CYC1: variants seen among roughly 807,000 people sequenced by gnomAD.
The protein encoded by CYC1 is cytochrome c1, also known as cytochrome c1, heme protein, mitochondrial.
Under a neutral mutation model 33.8 loss-of-function variants are expected in CYC1, and 10 were observed. That is an observed-to-expected ratio of 0.30 (90% CI 0.18 to 0.50). CYC1 has a LOEUF of 0.50. Ranked by LOEUF, CYC1 falls within the 20% of genes least tolerant of loss-of-function variation. CYC1 has a pLI of 0.98. For missense variants in CYC1, 459 were observed against 437.6 expected (o/e 1.05, Z -0.44); for synonymous variants, 224 against 181.9 (o/e 1.23, Z -1.86).
At chr8:144,096,090 T>A (rs1836146192) in intron 2 of CYC1, 34 bp from the exon 3 acceptor site, 10 of 1,606,886 alleles carry the variant, frequency 6.2e-6, no homozygotes, top group Non-Finnish European at 8.5e-6. Context: ...TAAGGTGGAA[T>A]CTTCAGCTTT....
At chr8:144,096,287 G>T (rs1469395585) in intron 3 of CYC1, 37 bp downstream of exon 3, 6 of 1,613,766 alleles carry the variant, frequency 3.7e-6, no homozygotes, top group Middle Eastern at 1.6e-4. Context: ...CCAGGGCTCA[G>T]GGCTCCCACT....
chr8:144,095,256 C>T, intron 1 of CYC1, 28 bp downstream of exon 1: 3 of 1,193,932 alleles, frequency 2.5e-6, no homozygotes. Context: ...CCCCGGCCTC[C>T]GCGCGGCCCC....
intron 5 of CYC1, 53 bp downstream of exon 5, chr8:144,096,797 C>T (rs1260037629): frequency 2.2e-6 from 3 of 1,379,144 alleles, no homozygotes; most frequent in Non-Finnish European, 2.0e-6. Flanking sequence ...TCCACTACCC[C>T]CAGGGATGCT....
rs1334519463 is a variant in CYC1, at chr8:144,095,863, T to C, written c.160T>C (p.Ser54Pro). The C allele has an allele frequency of 3.7e-6, 6 of 1,608,634 alleles. No homozygotes were observed. Among genetic ancestry groups the C allele is most frequent in the Middle Eastern group, 1.7e-4 (1 of 6,012 alleles). Residue 54 changes from serine (S) to proline (P), a missense_variant, in exon 2 of 7, where the codon TCC becomes CCC. Ser to Pro is a moderately conservative substitution (Grantham distance 74, BLOSUM62 -1). Coordinates refer to ENST00000318911, the MANE Select transcript of CYC1 (RefSeq NM_001916.5). Reference protein sequence around the residue: ...AVALSSKSGLSRGRKVMLSAL... With the variant: ...AVALSSKSGLPRGRKVMLSAL... ...GGCCTTGTCGTCGAAGTCTGGCCTT[T>C]CCCGAGGCCGGAAAGTGATGCTGTC...
Position 144,095,150 on chromosome 8 carries a change from C to T in CYC1, c.51C>T (p.Gly17=), listed in dbSNP as rs2129966177. 2.5e-6 allele frequency: 3 copies of T among 1,210,168 alleles called. No individual in the cohort carries two copies. The Middle Eastern group carries it at 9.4e-4, about 378-fold the overall frequency. 75.0% of individuals were successfully genotyped at this position (1,210,168 alleles called of 1,614,324 possible). A position where few individuals can be genotyped will look rare whatever the true frequency, so the allele number is the denominator to read the frequency against. The stretch of plus-strand genomic sequence containing the variant: ...GCGGGGTAGTGTTGGGCCCGCGGGG[C>T]GCGGGGCTCCCGGGCGCGCGTGCCC... The part of the protein sequence containing the change: ...SLRGVVLGPR[G]AGLPGARARG... The change falls in exon 1 of 7, where the codon GGC becomes GGT. Residue 17 remains glycine, a synonymous_variant. Transcript: ENST00000318911.
At position 144,095,901 on chromosome 8, in the gene CYC1, G is replaced by A; in HGVS notation, c.198G>A (p.Met66Ile). The change falls in exon 2 of 7, where the codon ATG becomes ATA. Residue 66 changes from methionine (M) to isoleucine (I), a missense_variant. Coordinates refer to ENST00000318911, the MANE Select transcript of CYC1 (RefSeq NM_001916.5). Reference protein sequence around the residue: ...GRKVMLSALGMLAAGGAGLAM... With the variant: ...GRKVMLSALGILAAGGAGLAM... ...AAGTGATGCTGTCAGCGCTGGGCAT[G>A]CTGGCGGCAGGGGGTGCGGGGCTGG... is the stretch of plus-strand genomic sequence containing the variant. The A allele has an allele frequency of 1.9e-6, 3 of 1,609,542 alleles. No individual in the cohort carries two copies. The highest frequency in any genetic ancestry group is 2.5e-6 in the Non-Finnish European group (3 of 1,179,888).
chr8:144,095,113 C>A lies in CYC1; in HGVS notation c.14C>A (p.Ala5Glu). The change falls in exon 1 of 7, where the codon GCG becomes GAG. Residue 5 changes from alanine to glutamate, a missense_variant. Physicochemically the swap from Ala to Glu is moderately radical, Grantham distance 107. Transcript: ENST00000318911. Reference sequence around the variant, plus strand: ...GAGGAGGCCAAGATGGCGGCAGCTGCGGCTTCGCTTCGCGGGGTAGTGTTG... The same window carrying A: ...GAGGAGGCCAAGATGGCGGCAGCTGAGGCTTCGCTTCGCGGGGTAGTGTTG... MAAA[A>E]ASLRGVVLGP... 8.3e-7 allele frequency: 1 copy of A among 1,210,260 alleles called. No homozygotes were observed. The allele number at this position is 1,210,260 out of a possible 1,614,324, so 75.0% of individuals were successfully genotyped here. A position where few individuals can be genotyped will look rare whatever the true frequency, so the allele number is the denominator to read the frequency against.
Position 144,097,272 on chromosome 8 carries a change from C to T in CYC1, c.914C>T (p.Thr305Ile). The change falls in exon 7 of 7, where the codon ACC becomes ATC. Residue 305 changes from threonine to isoleucine, a missense_variant. Coordinates refer to ENST00000318911, the MANE Select transcript of CYC1 (RefSeq NM_001916.5). ...MMALLVPLVY[T>I]IKRHKWSVLK... ...GCTCTGCTGGTGCCCCTGGTCTACA[C>T]CATAAAGCGGCACAAGTGGTCAGTC... 2 of 1,614,164 alleles carry T rather than the reference C, an allele frequency of 1.2e-6. No homozygotes were observed. The highest frequency in any genetic ancestry group is 1.1e-5 in the South Asian group (1 of 91,082).
In CYC1 at chr8:144,097,399, G is replaced by A; in HGVS notation, c.*63G>A. On this transcript the variant is annotated 3_prime_UTR_variant, in exon 7 of 7. Coordinates refer to ENST00000318911, the MANE Select transcript of CYC1 (RefSeq NM_001916.5). ...GCCCTCAAGCCCAAGAGCCATCCCAGGCCTGTTCAGGCCTCAGCTAAGCCT... is the reference window on the plus strand; with the variant it reads ...GCCCTCAAGCCCAAGAGCCATCCCAAGCCTGTTCAGGCCTCAGCTAAGCCT... 2.2e-6 allele frequency: 3 copies of A among 1,353,834 alleles called. No homozygotes were observed. The allele number at this position is 1,353,834 out of a possible 1,614,324, so 83.9% of individuals were successfully genotyped here. A position where few individuals can be genotyped will look rare whatever the true frequency, so the allele number is the denominator to read the frequency against.
In CYC1 at chr8:144,095,159, C is replaced by G; in HGVS notation, c.60C>G (p.Leu20=). Reference sequence around the variant, plus strand: ...TGTTGGGCCCGCGGGGCGCGGGGCTCCCGGGCGCGCGTGCCCGGGGTCTGC... The same window carrying G: ...TGTTGGGCCCGCGGGGCGCGGGGCTGCCGGGCGCGCGTGCCCGGGGTCTGC... ...GVVLGPRGAG[L]PGARARGLLC... The change falls in exon 1 of 7, where the codon CTC becomes CTG. Residue 20 remains leucine, a synonymous_variant. Coordinates refer to ENST00000318911, the MANE Select transcript of CYC1 (RefSeq NM_001916.5). 8.3e-7 allele frequency: 1 copy of G among 1,209,984 alleles called. No individual in the cohort carries two copies. The highest frequency in any genetic ancestry group is 1.0e-6 in the Non-Finnish European group (1 of 973,188). 75.0% of individuals were successfully genotyped at this position (1,209,984 alleles called of 1,614,324 possible).
intron 5 of CYC1, 36 bp from the exon 6 acceptor site, chr8:144,096,998 G>A (rs1029343044): frequency 2.6e-6 from 4 of 1,543,462 alleles, no homozygotes; most frequent in Non-Finnish European, 3.5e-6. Flanking sequence ...TTGGACATGA[G>A]CCTGAGAATA....
rs760172978 is a variant in CYC1 at position 144,096,705 on chromosome 8, G to A, written c.733G>A (p.Ala245Thr). 5.6e-6 allele frequency: 9 copies of A among 1,608,552 alleles called. No individual in the cohort carries two copies. Among genetic ancestry groups the A allele is most frequent in the East Asian group, 2.2e-5 (1 of 44,602 alleles). The change falls in exon 5 of 7, where the codon GCC (alanine) becomes ACC (threonine). Residue 245 changes from alanine (A) to threonine (T), a missense_variant. Coordinates refer to ENST00000318911, the MANE Select transcript of CYC1 (RefSeq NM_001916.5). Reference sequence around the variant, plus strand: ...CTTTCCTGGCCAGGCCATTGCCATGGCCCCTCCCATCTACACAGATGTCTT... The same window carrying A: ...CTTTCCTGGCCAGGCCATTGCCATGACCCCTCCCATCTACACAGATGTCTT... ...PYFPGQAIAM[A>T]PPIYTDVLEF... is the part of the protein sequence containing the mutation.
In CYC1 at chr8:144,096,532, G is replaced by A. The variant is rs780257034; in HGVS notation, c.611+38G>A. 5.6e-6 allele frequency: 9 copies of A among 1,614,038 alleles called. No homozygotes were observed. The East Asian group carries it at 1.6e-4, about 28-fold the overall frequency. ...CCCATGGGGTGGTGCTGGAGAGATG[G>A]GGGAAGGGCTGACTTGTGCTTGGAA... On this transcript the variant is annotated intron_variant, in intron 4 of 6. Coordinates refer to ENST00000318911, the MANE Select transcript of CYC1 (RefSeq NM_001916.5).
intron 4 of CYC1, 44 bp downstream of exon 4, chr8:144,096,538 G>C (rs942170906): frequency 1.9e-6 from 3 of 1,613,882 alleles, no homozygotes; most frequent in Non-Finnish European, 1.7e-6. Context: ...GATGGGGGAA[G>C]GGCTGACTTG....
Position 144,097,252 on chromosome 8 carries a change from G to A in CYC1, c.894G>A (p.Leu298=). 6.2e-7 allele frequency: 1 copy of A among 1,614,166 alleles called. No homozygotes were observed. Among genetic ancestry groups the A allele is most frequent in the Non-Finnish European group, 8.5e-7 (1 of 1,180,022 alleles). The change falls in exon 7 of 7, where the codon CTG becomes CTA. Residue 298 remains leucine, a synonymous_variant. Coordinates refer to ENST00000318911, the MANE Select transcript of CYC1 (RefSeq NM_001916.5). ...MGLKMLMMMA[L]LVPLVYTIKR... The stretch of plus-strand genomic sequence containing the variant: ...TGCAGATGTTGATGATGATGGCTCT[G>A]CTGGTGCCCCTGGTCTACACCATAA...
rs143508925 is a variant in CYC1, at chr8:144,096,641, C to A, written c.669C>A (p.Thr223=). 3.1e-6 allele frequency: 5 copies of A among 1,613,892 alleles called. No homozygotes were observed. Among genetic ancestry groups the A allele is most frequent in the Non-Finnish European group, 4.2e-6 (5 of 1,180,022 alleles). ...SLLTGYCEPP[T]GVSLREGLYF... is the part of the protein sequence containing the mutation. The stretch of plus-strand genomic sequence containing the variant: ...TCACGGGCTACTGCGAGCCACCCAC[C>A]GGGGTGTCACTGCGGGAAGGTCTCT... Residue 223 remains threonine (T), a synonymous_variant, in exon 5 of 7, where the codon ACC becomes ACA. Transcript: ENST00000318911.
Position 144,096,715 on chromosome 8 carries a change from T to C in CYC1, c.743T>C (p.Ile248Thr). Residue 248 changes from isoleucine to threonine, a missense_variant, in exon 5 of 7, where the codon ATC (isoleucine) becomes ACC (threonine). Transcript: ENST00000318911. ...CAGGCCATTGCCATGGCCCCTCCCA[T>C]CTACACAGATGTCTTAGAGTTTGAC... ...PGQAIAMAPP[I>T]YTDVLEFDDG... 1 of 1,610,932 alleles carries C rather than the reference T, an allele frequency of 6.2e-7. No individual in the cohort carries two copies. The highest frequency in any genetic ancestry group is 8.5e-7 in the Non-Finnish European group (1 of 1,179,086).
chr8:144,096,466 CCT>C lies in CYC1; in HGVS notation c.584_585del (p.Pro195ArgfsTer9). On this transcript the variant is annotated frameshift_variant, in exon 4 of 7. Coordinates refer to ENST00000318911, the MANE Select transcript of CYC1 (RefSeq NM_001916.5). LOFTEE classifies it high-confidence loss of function. Reference sequence around the variant, plus strand: ...AGCTGCCAACAACGGAGCATTGCCCCCTGACCTCAGCTACATCGTGCGAGCTA... The same window carrying C: ...AGCTGCCAACAACGGAGCATTGCCCCGACCTCAGCTACATCGTGCGAGCTA... ...ARAANNGALP[P>X]DLSYIVRARH... 1.9e-6 allele frequency: 3 copies of C among 1,614,112 alleles called. No individual in the cohort carries two copies. Among genetic ancestry groups the C allele is most frequent in the Non-Finnish European group, 2.5e-6 (3 of 1,180,010 alleles).
At position 144,097,414 on chromosome 8, in the gene CYC1, C is replaced by G; in HGVS notation, c.*78C>G. 2 of 1,201,150 alleles carry G rather than the reference C, an allele frequency of 1.7e-6. No homozygotes were observed. Among genetic ancestry groups the G allele is most frequent in the Non-Finnish European group, 2.4e-6 (2 of 827,806 alleles). The allele number at this position is 1,201,150 out of a possible 1,614,324, so 74.4% of individuals were successfully genotyped here. On this transcript the variant is annotated 3_prime_UTR_variant, in exon 7 of 7. Transcript: ENST00000318911. ...AGCCATCCCAGGCCTGTTCAGGCCT[C>G]AGCTAAGCCTCTCTTCATCTGGAAG... is the stretch of plus-strand genomic sequence containing the variant.
Sources: allele counts gnomAD v4.1 joint callset, GRCh38; gene constraint gnomAD v4.1.1; transcripts MANE v1.5; gene names NCBI Gene and HGNC (gene_info 2026-07-23, HGNC 2026-07-21).